The following GRXCR1 variants were observed in gnomAD, a reference collection of about 807,000 sequenced individuals.
GRXCR1 encodes the protein glutaredoxin domain-containing cysteine-rich protein 1.
Under a neutral mutation model 27.3 loss-of-function variants are expected in GRXCR1, and 27 were observed. The ratio of observed to expected loss-of-function variants is 0.99; its 90% CI spans 0.73 to 1.37. The LOEUF (loss-of-function observed/expected upper bound fraction) is 1.37. GRXCR1 is among the 40% of genes most tolerant of loss of function. The pLI is 0.00. For missense variants in GRXCR1, 379 were observed against 354.4 expected (o/e 1.07, Z -0.56); for synonymous variants, 122 against 131.1 (o/e 0.93, Z 0.47).
chr4:43,010,527 C>T (rs1002858415), intron 2 of GRXCR1, among the ~76,000 whole-genome samples: 9 of 151,850 alleles, frequency 5.9e-5, no homozygotes, highest in African/African-American at 1.9e-4. Context: ...TATCACCTTT[C>T]GCTAAATGCT....
intron 1 of GRXCR1, among the ~76,000 whole-genome samples, chr4:42,905,885 G>C (rs995592252): frequency 1.3e-5 from 2 of 152,142 alleles, no homozygotes; most frequent in African/African-American, 4.8e-5. Context: ...GTTGGAAATA[G>C]CTGATGAACA....
At chr4:42,993,888 AG>A (rs1712057790) in intron 2 of GRXCR1, among the ~76,000 whole-genome samples, 1 of 152,160 alleles carries the variant, frequency 6.6e-6, no homozygotes, top group Admixed American at 6.6e-5. Flanking sequence ...AGAGTGGAAC[AG>A]ACATATTGTT....
At position 42,959,066 on chromosome 4, in the gene GRXCR1, G is replaced by T. The variant is rs146132929; in HGVS notation, c.385-3826G>T. The stretch of plus-strand genomic sequence containing the variant: ...TATAACCCAACAATCCTCATTCTGG[G>T]TATATACTCAAAGGAAATGAAATTA... On this transcript the variant is annotated intron_variant, in intron 1 of 3. Transcript: ENST00000399770. Among the ~76,000 whole-genome samples the T allele has an allele frequency of 3.0e-3, 457 of 151,948 alleles. 2 individuals carry two copies. The highest frequency in any genetic ancestry group is 8.7e-3 in the African/African-American group (359 of 41,502).
At chr4:42,959,484 G>T (rs557303915) in intron 1 of GRXCR1, among the ~76,000 whole-genome samples, 1 of 151,686 alleles carries the variant, frequency 6.6e-6, no homozygotes, top group African/African-American at 2.4e-5. Flanking sequence ...GCCACATGAG[G>T]ATTATAGTTA....
At chr4:42,955,023 C>A (rs960125195) in intron 1 of GRXCR1, among the ~76,000 whole-genome samples, 2 of 151,946 alleles carry the variant, frequency 1.3e-5, no homozygotes, top group Non-Finnish European at 2.9e-5. Flanking sequence ...GGAGAGAGAG[C>A]GATATATGTA....
At position 42,903,534 on chromosome 4, in the gene GRXCR1, T is replaced by C. The variant is rs141208361; in HGVS notation, c.384+9884T>C. Among the ~76,000 whole-genome samples the C allele has an allele frequency of 4.1e-5, 6 of 147,074 alleles. 1 individual carries two copies. In the East Asian group the frequency reaches 7.1e-4, roughly 17 times the overall value. On this transcript the variant is annotated intron_variant, in intron 1 of 3. Coordinates refer to ENST00000399770, the MANE Select transcript of GRXCR1 (RefSeq NM_001080476.3). ...TAACCATGTTAGCCAGGATGGTCTC[T>C]ATCTCCAGACCTTGTGATCCGCCCG...
chr4:42,916,457 C>G (rs1251546602), intron 1 of GRXCR1, among the ~76,000 whole-genome samples: 1 of 152,024 alleles, frequency 6.6e-6, no homozygotes, highest in Admixed American at 6.6e-5. Context: ...TCGCCTTAAC[C>G]TTTTGTTGTT....
chr4:42,930,500 CT>C lies in GRXCR1; in HGVS notation c.385-32388del, dbSNP rs372821763. 4.6e-4 allele frequency among the ~76,000 whole-genome samples: 70 copies of C among 152,060 alleles called. 2 individuals carry two copies. The South Asian group carries it at 0.011, about 23-fold the overall frequency. On this transcript the variant is annotated intron_variant, in intron 1 of 3. Coordinates refer to ENST00000399770, the MANE Select transcript of GRXCR1 (RefSeq NM_001080476.3). ...CTCTGTGTTTCCTATCTCTCCTCTC[CT>C]TTTATCCCTCTATGTAGTTGTCTAG... is the stretch of plus-strand genomic sequence containing the variant.
rs4035884 is a variant in GRXCR1 at position 43,000,669 on chromosome 4, G to GTATA, written c.628-19674_628-19671dup. On this transcript the variant is annotated intron_variant, in intron 2 of 3. Coordinates refer to ENST00000399770, the MANE Select transcript of GRXCR1 (RefSeq NM_001080476.3). ...GTGCCTAATTTATAAATTGTTAGAG[G>GTATA]TATATATATATATACAGAGAAAACC... Among the ~76,000 whole-genome samples the GTATA allele has an allele frequency of 5.7e-3, 851 of 149,780 alleles. 7 individuals carry two copies. Among genetic ancestry groups the GTATA allele is most frequent in the African/African-American group, 0.019 (768 of 40,746 alleles).
Position 42,893,273 on chromosome 4 carries a change from A to G in GRXCR1, c.7A>G (p.Lys3Glu). The G allele has an allele frequency of 6.2e-7, 1 of 1,613,532 alleles. No homozygotes were observed. Among genetic ancestry groups the G allele is most frequent in the South Asian group, 1.1e-5 (1 of 91,074 alleles). ML[K>E]REMKPESDRP... ...CATATGGGTGGAGGTGACCATGCTT[A>G]AAAGGGAGATGAAGCCAGAAAGTGA... Residue 3 changes from lysine to glutamate, a missense_variant, in exon 1 of 4, where the codon AAA (lysine) becomes GAA (glutamate). Physicochemically the swap from Lys to Glu is moderately conservative, Grantham distance 56. Transcript: ENST00000399770.
chr4:43,025,171 A>C (rs1210693241), intron 3 of GRXCR1, among the ~76,000 whole-genome samples: 1 of 152,194 alleles, frequency 6.6e-6, no homozygotes, highest in Non-Finnish European at 1.5e-5. Flanking sequence ...ACAATCATTC[A>C]TAAACTCTGC....
At chr4:42,996,775 C>T (rs1013737531) in intron 2 of GRXCR1, among the ~76,000 whole-genome samples, 1 of 151,862 alleles carries the variant, frequency 6.6e-6, no homozygotes. Context: ...GATTAAATAA[C>T]ATCCTGACAA....
Position 42,969,639 on chromosome 4 carries a change from A to G in GRXCR1, c.627+6505A>G, listed in dbSNP as rs533576814. Among the ~76,000 whole-genome samples the G allele has an allele frequency of 2.0e-5, 3 of 152,252 alleles. No homozygotes were observed. The South Asian group carries it at 6.2e-4, about 32-fold the overall frequency. On this transcript the variant is annotated intron_variant, in intron 2 of 3. Transcript: ENST00000399770. The stretch of plus-strand genomic sequence containing the variant: ...CTCGTGAGAACCTGCTATCATGAGA[A>G]CAACAACGGGGAAGTCTGCCTCCAT...
At chr4:42,996,180 A>C (rs1207595202) in intron 2 of GRXCR1, among the ~76,000 whole-genome samples, 1 of 152,216 alleles carries the variant, frequency 6.6e-6, no homozygotes, top group Non-Finnish European at 1.5e-5. Flanking sequence ...TTATTATGGA[A>C]GTGAAGTGGA....
At chr4:42,963,585 A>G (rs1748176748) in intron 2 of GRXCR1, among the ~76,000 whole-genome samples, 1 of 151,972 alleles carries the variant, frequency 6.6e-6, no homozygotes, top group Non-Finnish European at 1.5e-5. Context: ...GCCTGGAGCC[A>G]GAATTTTATC....
intron 2 of GRXCR1, among the ~76,000 whole-genome samples, chr4:42,987,606 T>A (rs1367690571): frequency 6.6e-6 from 1 of 152,002 alleles, no homozygotes; most frequent in Non-Finnish European, 1.5e-5. Context: ...GTGGTGAAAA[T>A]GTACCCTTAA....
chr4:42,974,017 T>C (rs1748448414), intron 2 of GRXCR1, among the ~76,000 whole-genome samples: 1 of 152,138 alleles, frequency 6.6e-6, no homozygotes, highest in African/African-American at 2.4e-5. Context: ...GCTACAGTTG[T>C]TATAGAACCA....
At chr4:42,941,003 C>G (rs1445611205) in intron 1 of GRXCR1, among the ~76,000 whole-genome samples, 2 of 151,894 alleles carry the variant, frequency 1.3e-5, no homozygotes, top group African/African-American at 2.4e-5. Context: ...CTGATTTGCT[C>G]TATTGTATGG....
At chr4:42,946,584 A>C (rs554274506) in intron 1 of GRXCR1, among the ~76,000 whole-genome samples, 1 of 152,278 alleles carries the variant, frequency 6.6e-6, no homozygotes, top group African/African-American at 2.4e-5. Flanking sequence ...GGAGCATAGA[A>C]AGTTCAAGAT....
Sources: gnomAD v4.1 joint callset for allele counts (sites outside exome capture counted in the v4.1 genomes callset) on GRCh38, gnomAD v4.1.1 for gene constraint, MANE v1.5 for transcripts, NCBI Gene and HGNC (gene_info 2026-07-23, HGNC 2026-07-21) for gene names.